SLC12A3: variants seen among roughly 807,000 people sequenced by gnomAD.
The protein encoded by SLC12A3 is solute carrier family 12 member 3.
A neutral mutation model predicts 121.0 loss-of-function variants in SLC12A3; 104 were observed. The ratio of observed to expected loss-of-function variants is 0.86; its 90% CI spans 0.73 to 1.01. SLC12A3 has a LOEUF of 1.01. Among genes scored for constraint, SLC12A3 ranks in the 50% least tolerant of loss-of-function variants. The pLI is 0.00. For synonymous variants in SLC12A3, 536 were observed against 533.4 expected (o/e 1.00, Z -0.07); for missense variants, 1,328 against 1,356.3 (o/e 0.98, Z 0.33).
At position 56,867,147 on chromosome 16, in the gene SLC12A3, C is replaced by T. The variant is rs753383791; in HGVS notation, c.360C>T (p.Gly120=). The T allele has an allele frequency of 7.2e-5, 117 of 1,613,804 alleles. No homozygotes were observed. The highest frequency in any genetic ancestry group is 9.2e-5 in the Non-Finnish European group (108 of 1,179,998). ...AGATGACTGATGGGCTGGTGGAGGG[C>T]GAGGCAGGCACCAGCAGCGAGAAGA... ...SHEMTDGLVE[G]EAGTSSEKNP... The change falls in exon 2 of 26, where the codon GGC becomes GGT. Residue 120 remains glycine (G), a synonymous_variant. Transcript: ENST00000563236.
At chr16:56,904,549 G>A in intron 25 of SLC12A3, 87 bp downstream of exon 25, 1 of 1,274,510 alleles carries the variant, frequency 7.8e-7, no homozygotes, top group Non-Finnish European at 1.1e-6. Context: ...GGGCACCACG[G>A]AGGGCCCAAG....
chr16:56,901,044 C>A (rs553749175), intron 23 of SLC12A3, among the ~76,000 whole-genome samples: 1 of 150,364 alleles, frequency 6.7e-6, no homozygotes, highest in African/African-American at 2.4e-5. Context: ...CGTTGCCACA[C>A]CCACAGAGTC....
intron 8 of SLC12A3, among the ~76,000 whole-genome samples, chr16:56,876,606 C>T (rs2055167171): frequency 6.6e-6 from 1 of 151,708 alleles, no homozygotes; most frequent in South Asian, 2.1e-4. Flanking sequence ...TCCCAGCAGA[C>T]CTGGGCTCTA....
Position 56,865,362 on chromosome 16 carries a change from A to G in SLC12A3, c.127A>G (p.Ser43Gly). The change falls in exon 1 of 26, where the codon AGC becomes GGC. Residue 43 changes from serine (S) to glycine (G), a missense_variant. Ser to Gly is a moderately conservative substitution (Grantham distance 56). Coordinates refer to ENST00000563236, the MANE Select transcript of SLC12A3 (RefSeq NM_001126108.2). Reference protein sequence around the residue: ...PPAAYDSSHPSHLTHSSTFCM... With the variant: ...PPAAYDSSHPGHLTHSSTFCM... ...AGCTGCCTATGACAGCAGCCACCCC[A>G]GCCACCTGACCCACAGCAGCACCTT... 1 of 1,614,140 alleles carries G rather than the reference A, an allele frequency of 6.2e-7. No individual in the cohort carries two copies. Among genetic ancestry groups the G allele is most frequent in the Non-Finnish European group, 8.5e-7 (1 of 1,180,036 alleles).
In SLC12A3 at chr16:56,902,466, CT is replaced by C. The variant is rs2144767026; in HGVS notation, c.2815del (p.Trp939GlyfsTer19). The C allele has an allele frequency of 6.4e-7, 1 of 1,550,770 alleles. No individual in the cohort carries two copies. ...TVNEMRRDCP[W>X]KISDEEITKN... is the part of the protein sequence containing the mutation. ...TCAACGAGATGCGGCGGGACTGCCC[CT>C]GGAAGATCTCAGATGAGGAGATTAC... On this transcript the variant is annotated frameshift_variant, in exon 24 of 26. Transcript: ENST00000563236. LOFTEE classifies it high-confidence loss of function.
rs2055188955 is a variant in SLC12A3, at chr16:56,878,061, T to TCCCTCCCTCCCTCCCTCCCTCTCA, written c.1096-6_1096-5insCTCCCTCCCTCTCACCCTCCCTCC. 2.7e-6 allele frequency: 1 copy of TCCCTCCCTCCCTCCCTCCCTCTCA among 375,446 alleles called. No individual in the cohort carries two copies. The highest frequency in any genetic ancestry group is 4.7e-6 in the Non-Finnish European group (1 of 213,880). The allele number at this position is 375,446 out of a possible 1,614,324, so 23.3% of individuals were successfully genotyped here. ...CTCCCTCCCTCCCTCCCTCCCTCTC[T>TCCCTCCCTCCCTCCCTCCCTCTCA]CCCTCCCTCCTTCAGGACCCTGCTA... is the stretch of plus-strand genomic sequence containing the variant. On this transcript the variant is annotated splice_polypyrimidine_tract_variant and intron_variant, in intron 8 of 25. Transcript: ENST00000563236.
chr16:56,907,324 G>A (rs1458349990), intron 25 of SLC12A3, among the ~76,000 whole-genome samples: 1 of 152,160 alleles, frequency 6.6e-6, no homozygotes, highest in African/African-American at 2.4e-5. Flanking sequence ...CAGGCTTGGT[G>A]GTGCACACCT....
At chr16:56,904,790 G>T (rs376403456) in intron 25 of SLC12A3, 2 of 370,088 alleles carry the variant, frequency 5.4e-6, no homozygotes, top group Non-Finnish European at 1.1e-5. Context: ...TTTCAAGAGG[G>T]ACATCAACTC....
intron 20 of SLC12A3, 79 bp downstream of exon 20, chr16:56,892,212 G>C (rs759363638): frequency 1.5e-6 from 2 of 1,356,568 alleles, no homozygotes. Context: ...GGGGTGGCTA[G>C]GGGTGGGCCA....
At chr16:56,892,881 C>A in intron 20 of SLC12A3, 72 bp from the exon 21 acceptor site, 1 of 1,246,868 alleles carries the variant, frequency 8.0e-7, no homozygotes, top group Non-Finnish European at 1.2e-6. Context: ...GGGGCGTTGG[C>A]GGGGCCCTGG....
chr16:56,899,427 T>G, intron 22 of SLC12A3, 103 bp from the exon 23 acceptor site: 1 of 860,850 alleles, frequency 1.2e-6, no homozygotes. Flanking sequence ...AGGCAGAGGT[T>G]GCAGTGAATC....
chr16:56,880,317 TG>T (rs2055223750), intron 12 of SLC12A3, 64 bp downstream of exon 12: 3 of 1,533,396 alleles, frequency 2.0e-6, no homozygotes, highest in African/African-American at 2.7e-5. Flanking sequence ...ATGAGGGTCT[TG>T]GGGGCCGGGC....
intron 6 of SLC12A3, among the ~76,000 whole-genome samples, chr16:56,871,319 A>G (rs2055094127): frequency 1.3e-5 from 2 of 152,216 alleles, no homozygotes; most frequent in African/African-American, 4.8e-5. Flanking sequence ...GAAGGGGGAA[A>G]TGAAAGGGAG....
rs5802 is a variant in SLC12A3 at position 56,885,323 on chromosome 16, G to C, written c.1884G>C (p.Ser628=). The C allele has an allele frequency of 6.4e-7, 1 of 1,555,830 alleles. No homozygotes were observed. Among genetic ancestry groups the C allele is most frequent in the South Asian group, 1.2e-5 (1 of 84,236 alleles). The stretch of plus-strand genomic sequence containing the variant: ...CCTACAACCTGGCCCTCAGCTACTC[G>C]GTGGGCCTCAATGAGGTGGAAGACC... ...AGSYNLALSY[S]VGLNEVEDHI... The change falls in exon 15 of 26, where the codon TCG becomes TCC. Residue 628 remains serine, a synonymous_variant. Coordinates refer to ENST00000563236, the MANE Select transcript of SLC12A3 (RefSeq NM_001126108.2).
In SLC12A3 at chr16:56,886,402, GC is replaced by G. The variant is rs1567437393; in HGVS notation, c.1967del (p.Pro656ArgfsTer16). The G allele has an allele frequency of 6.2e-6, 10 of 1,614,010 alleles. No homozygotes were observed. The highest frequency in any genetic ancestry group is 8.5e-6 in the Non-Finnish European group (10 of 1,180,000). ...CLVLTGPPNFRPALVDFVGTF... is the reference protein window; with the variant it reads ...CLVLTGPPNFXPALVDFVGTF... ...GTGCTCACGGGGCCCCCCAACTTCC[GC>G]CCGGCCCTGGTGGACTTTGTGGGCA... On this transcript the variant is annotated frameshift_variant, in exon 16 of 26. Coordinates refer to ENST00000563236, the MANE Select transcript of SLC12A3 (RefSeq NM_001126108.2). LOFTEE classifies it high-confidence loss of function.
At position 56,887,005 on chromosome 16, in the gene SLC12A3, C is replaced by A. The variant is rs1350822669; in HGVS notation, c.2090C>A (p.Thr697Asn). 1 of 1,613,858 alleles carries A rather than the reference C, an allele frequency of 6.2e-7. No homozygotes were observed. The highest frequency in any genetic ancestry group is 1.7e-5 in the Admixed American group (1 of 60,008). ...CTCCAGCTCATCGCCAACGGGCACA[C>A]CAAGTGGCTGAACAAGAGGAAGATC... ...PELQLIANGH[T>N]KWLNKRKIKA... The change falls in exon 17 of 26, where the codon ACC (threonine) becomes AAC (asparagine). Residue 697 changes from threonine (T) to asparagine (N), a missense_variant. Transcript: ENST00000563236.
chr16:56,879,701 G>C, intron 11 of SLC12A3, 52 bp downstream of exon 11: 1 of 1,371,444 alleles, frequency 7.3e-7, no homozygotes, highest in Non-Finnish European at 1.0e-6. Flanking sequence ...GCCTGGGCTA[G>C]AGGCACAATA....
rs1284858990 is a variant in SLC12A3, at chr16:56,865,262, G to T, written c.27G>T (p.Thr9=). Residue 9 remains threonine (T), a synonymous_variant, in exon 1 of 26, where the codon ACG becomes ACT. Transcript: ENST00000563236. MAELPTTE[T]PGDATLCSGR... ...TGGCAGAACTGCCCACAACAGAGAC[G>T]CCTGGGGACGCCACTTTGTGCAGCG... The T allele has an allele frequency of 6.2e-7, 1 of 1,613,740 alleles. No individual in the cohort carries two copies. The highest frequency in any genetic ancestry group is 2.2e-5 in the East Asian group (1 of 44,886).
intron 23 of SLC12A3, among the ~76,000 whole-genome samples, chr16:56,901,120 C>G (rs2055531881): frequency 1.3e-5 from 2 of 152,216 alleles, no homozygotes; most frequent in African/African-American, 4.8e-5. Flanking sequence ...CTTCTTTTGG[C>G]TTCCAAGACA....
Sources: allele counts gnomAD v4.1 joint callset (sites outside exome capture counted in the v4.1 genomes callset), GRCh38; gene constraint gnomAD v4.1.1; transcripts MANE v1.5; gene names NCBI Gene and HGNC (gene_info 2026-07-23, HGNC 2026-07-21).